Variants in ABCC4 observed in about 807,000 individuals in gnomAD.
ABCC4 encodes the protein ATP-binding cassette sub-family C member 4.
In ABCC4, 102 loss-of-function variants were observed where a neutral mutation model predicts 168.5. That is an observed-to-expected ratio of 0.61 (90% CI 0.52 to 0.71). The LOEUF is 0.71. ABCC4 is among the 30% of genes least tolerant of loss of function. ABCC4 has a pLI of 0.00. For missense variants in ABCC4, 1,402 were observed against 1,605.8 expected (o/e 0.87, Z 2.17); for synonymous variants, 617 against 590.7 (o/e 1.04, Z -0.65).
rs531039886 is a variant in ABCC4, at chr13:95,181,246, C to T, written c.1546-3155G>A. Among the ~76,000 whole-genome samples, 15 of 152,344 alleles carry T rather than the reference C, an allele frequency of 9.8e-5. No homozygotes were observed. In the East Asian group the frequency reaches 2.9e-3, roughly 29 times the overall value. The stretch of plus-strand genomic sequence containing the variant: ...CATGTGCACATCAACCATGGTGACA[C>T]TAAAGGCAGAAAGACCACTGAGGAC... On this transcript the variant is annotated intron_variant, in intron 11 of 30. Coordinates refer to ENST00000645237, the MANE Select transcript of ABCC4 (RefSeq NM_005845.5).
intron 4 of ABCC4, among the ~76,000 whole-genome samples, chr13:95,226,734 C>T (rs987307258): frequency 2.2e-4 from 34 of 152,264 alleles, no homozygotes; most frequent in African/African-American, 7.5e-4. Flanking sequence ...ACACCTGACT[C>T]AACACCCGGG....
At chr13:95,159,374 T>C (rs915789859) in intron 19 of ABCC4, among the ~76,000 whole-genome samples, 2 of 152,052 alleles carry the variant, frequency 1.3e-5, no homozygotes, top group African/African-American at 2.4e-5. Flanking sequence ...TTTGGGCTTC[T>C]ATTTTGTTGA....
At chr13:95,154,672 T>C (rs2036800747) in intron 19 of ABCC4, among the ~76,000 whole-genome samples, 1 of 152,224 alleles carries the variant, frequency 6.6e-6, no homozygotes, top group Non-Finnish European at 1.5e-5. Context: ...AATCAGAGGT[T>C]TTAGGACCAG....
chr13:95,188,784 A>G (rs2038154034), intron 9 of ABCC4, among the ~76,000 whole-genome samples: 1 of 152,170 alleles, frequency 6.6e-6, no homozygotes, highest in South Asian at 2.1e-4. Context: ...CCAGATTTTC[A>G]TGTGAACACA....
Position 95,054,986 on chromosome 13 carries a change from G to A in ABCC4, c.3367-1802C>T, listed in dbSNP as rs2033001272. Reference sequence around the variant, plus strand: ...CTCAGCAAAATGCAAAAATGGAAACGACGGTAAAATGGGCACTTTGTGTGT... The same window carrying A: ...CTCAGCAAAATGCAAAAATGGAAACAACGGTAAAATGGGCACTTTGTGTGT... On this transcript the variant is annotated intron_variant, in intron 26 of 30. Coordinates refer to ENST00000645237, the MANE Select transcript of ABCC4 (RefSeq NM_005845.5). Among the ~76,000 whole-genome samples the A allele has an allele frequency of 2.0e-5, 3 of 152,160 alleles. No individual in the cohort carries two copies. The South Asian group carries it at 6.2e-4, about 32-fold the overall frequency.
At chr13:95,195,537 T>C (rs982905167) in intron 8 of ABCC4, among the ~76,000 whole-genome samples, 2 of 152,220 alleles carry the variant, frequency 1.3e-5, no homozygotes, top group African/African-American at 4.8e-5. Flanking sequence ...CTTAATTCAC[T>C]ATCACTTAAG....
chr13:95,264,031 G>A (rs912125395), intron 1 of ABCC4, among the ~76,000 whole-genome samples: 1 of 152,116 alleles, frequency 6.6e-6, no homozygotes, highest in Non-Finnish European at 1.5e-5. Flanking sequence ...CCGACAACAT[G>A]TCCAAAGGAC....
chr13:95,257,590 G>A (rs187069869), intron 1 of ABCC4, among the ~76,000 whole-genome samples: 13 of 151,914 alleles, frequency 8.6e-5, no homozygotes, highest in African/African-American at 2.7e-4. Context: ...TTGAACCCAG[G>A]AGGCAGAGGT....
chr13:95,088,496 A>C (rs539289490), intron 20 of ABCC4, among the ~76,000 whole-genome samples: 2 of 152,342 alleles, frequency 1.3e-5, no homozygotes, highest in African/African-American at 4.8e-5. Flanking sequence ...AGTATCATCA[A>C]ACTTCAAGAG....
chr13:95,257,154 G>T (rs1177812468), intron 1 of ABCC4, among the ~76,000 whole-genome samples: 1 of 152,206 alleles, frequency 6.6e-6, no homozygotes, highest in Non-Finnish European at 1.5e-5. Context: ...CACATATTTT[G>T]TATGCTCTAT....
intron 19 of ABCC4, among the ~76,000 whole-genome samples, chr13:95,151,474 CAAGAA>C (rs2036672281): frequency 1.5e-5 from 1 of 67,132 alleles, no homozygotes. Flanking sequence ...GACTCTGTCT[CAAGAA>C]AAAAAAAAAA....
At chr13:95,159,297 T>TA (rs1235593930) in intron 19 of ABCC4, among the ~76,000 whole-genome samples, 2 of 151,558 alleles carry the variant, frequency 1.3e-5, no homozygotes, top group East Asian at 3.9e-4. Flanking sequence ...CATCTACCAC[T>TA]AAAAAAAGTA....
intron 19 of ABCC4, among the ~76,000 whole-genome samples, chr13:95,136,434 C>T (rs775044447): frequency 1.4e-4 from 21 of 152,112 alleles, no homozygotes; most frequent in Admixed American, 3.9e-4. Flanking sequence ...AGATTACAGG[C>T]GTGAGCCACC....
chr13:95,145,776 GA>G (rs2036473545), intron 19 of ABCC4, among the ~76,000 whole-genome samples: 1 of 152,158 alleles, frequency 6.6e-6, no homozygotes, highest in South Asian at 2.1e-4. Context: ...CCATAGAAAA[GA>G]ACAAACTTAT....
chr13:95,286,765 T>TG (rs2041266731), intron 1 of ABCC4, among the ~76,000 whole-genome samples: 1 of 151,886 alleles, frequency 6.6e-6, no homozygotes, highest in Admixed American at 6.6e-5. Flanking sequence ...GAGACCAGCC[T>TG]GGCCAACATG....
intron 19 of ABCC4, among the ~76,000 whole-genome samples, chr13:95,157,131 A>AC (rs1350889658): frequency 4.5e-4 from 37 of 82,774 alleles, no homozygotes; most frequent in African/African-American, 2.6e-3. Flanking sequence ...CACACACACA[A>AC]ACAGTCACCA....
At chr13:95,275,848 G>A (rs928315731) in intron 1 of ABCC4, among the ~76,000 whole-genome samples, 1 of 151,856 alleles carries the variant, frequency 6.6e-6, no homozygotes, top group African/African-American at 2.4e-5. Context: ...CAGAGTTAAA[G>A]TGGGTACGCT....
Position 95,247,838 on chromosome 13 carries a change from C to T in ABCC4, c.75-85G>A, listed in dbSNP as rs1345633303. 3.9e-6 allele frequency: 4 copies of T among 1,018,344 alleles called. No individual in the cohort carries two copies. The African/African-American group carries it at 4.8e-5, about 12-fold the overall frequency. The allele number at this position is 1,018,344 out of a possible 1,614,324, so 63.1% of individuals were successfully genotyped here. On this transcript the variant is annotated intron_variant, in intron 1 of 30. Transcript: ENST00000645237. ...CCTACCTCCATGGGTTTTGCTTAAA[C>T]TTACCTTTAAAATACATACAGCTAT...
rs1397239825 is a variant in ABCC4 at position 95,071,931 on chromosome 13, GTTC to G, written c.3019-81_3019-79del. On this transcript the variant is annotated intron_variant, in intron 24 of 30. Coordinates refer to ENST00000645237, the MANE Select transcript of ABCC4 (RefSeq NM_005845.5). ...GATGTTAAGAGACTGTCAATGAAAT[GTTC>G]TTCTTTCATACATAGTTGGTTAAGG... 13 of 1,117,730 alleles carry G rather than the reference GTTC, an allele frequency of 1.2e-5. No individual in the cohort carries two copies. In the East Asian group the frequency reaches 3.6e-4, roughly 31 times the overall value. 69.2% of individuals were successfully genotyped at this position (1,117,730 alleles called of 1,614,324 possible).
Sources: allele counts gnomAD v4.1 joint callset (sites outside exome capture counted in the v4.1 genomes callset), GRCh38; gene constraint gnomAD v4.1.1; transcripts MANE v1.5; gene names NCBI Gene and HGNC (gene_info 2026-07-23, HGNC 2026-07-21).